Variants in ZDHHC19 observed in about 807,000 individuals in gnomAD.
ZDHHC19 encodes the protein zDHHC palmitoyltransferase 19, also known as palmitoyltransferase ZDHHC19.
In ZDHHC19, 30 loss-of-function variants were observed where a neutral mutation model predicts 33.9. That is an observed-to-expected ratio of 0.88 (90% CI 0.66 to 1.20). The LOEUF is 1.20. Ranked by LOEUF, ZDHHC19 falls within the 50% of genes most tolerant of loss-of-function variation. The pLI is 0.00. For synonymous variants in ZDHHC19, 178 were observed against 167.6 expected (o/e 1.06, Z -0.48); for missense variants, 364 against 401.1 (o/e 0.91, Z 0.79).
intron 3 of ZDHHC19, 34 bp from the exon 4 acceptor site, chr3:196,208,594 C>T (rs1444842192): frequency 1.9e-6 from 3 of 1,605,870 alleles, no homozygotes; most frequent in Non-Finnish European, 2.6e-6. Context: ...GGCTTGAGGA[C>T]TTCTCCTCTG....
chr3:196,208,331 C>A, intron 4 of ZDHHC19, 57 bp downstream of exon 4: 1 of 1,552,664 alleles, frequency 6.4e-7, no homozygotes, highest in South Asian at 1.2e-5. Flanking sequence ...CCGCCCTCTG[C>A]AGCCCCCTCC....
At chr3:196,208,299 C>T in intron 4 of ZDHHC19, 89 bp downstream of exon 4, 28 of 1,295,712 alleles carry the variant, frequency 2.2e-5, no homozygotes, top group Non-Finnish European at 2.8e-5. Flanking sequence ...CGGCTTCTCC[C>T]TCTAGCCCCG....
chr3:196,198,538 A>G (rs1721987001), intron 6 of ZDHHC19, 87 bp from the exon 7 acceptor site: 1 of 1,571,200 alleles, frequency 6.4e-7, no homozygotes, highest in African/African-American at 1.4e-5. Context: ...CACACGGCCC[A>G]GGGCTTAGCT....
intron 3 of ZDHHC19, chr3:196,208,878 A>G: frequency 2.8e-6 from 1 of 359,302 alleles, no homozygotes. Context: ...CCACTTTCTC[A>G]TCCATTCGAT....
At chr3:196,209,573 G>A in intron 2 of ZDHHC19, 58 bp from the exon 3 acceptor site, 12 of 1,579,254 alleles carry the variant, frequency 7.6e-6, no homozygotes, top group Admixed American at 5.3e-5. Flanking sequence ...CCGCGGCGGG[G>A]GCAGCTCCAC....
At chr3:196,210,467 G>A (rs1723200785) in intron 2 of ZDHHC19, 149 bp downstream of exon 2, 2 of 644,344 alleles carry the variant, frequency 3.1e-6, no homozygotes, top group Admixed American at 7.1e-5. Flanking sequence ...AGAGAAGAAA[G>A]AGTGAGCGAG....
At position 196,207,518 on chromosome 3, in the gene ZDHHC19, G is replaced by A; in HGVS notation, c.582-15C>T. The A allele has an allele frequency of 6.5e-7, 1 of 1,537,026 alleles. No homozygotes were observed. The highest frequency in any genetic ancestry group is 8.8e-7 in the Non-Finnish European group (1 of 1,140,688). ...CCACCACGATGCTGCGCGGGTTAAGGAACCGGGCTGCGGGACCCCCACGCC... is the reference window on the plus strand; with the variant it reads ...CCACCACGATGCTGCGCGGGTTAAGAAACCGGGCTGCGGGACCCCCACGCC... On this transcript the variant is annotated splice_polypyrimidine_tract_variant and intron_variant, in intron 4 of 7. Transcript: ENST00000296326.
Position 196,198,286 on chromosome 3 carries a change from G to C in ZDHHC19, c.*9C>G, listed in dbSNP as rs777206910. 1.3e-6 allele frequency: 2 copies of C among 1,501,422 alleles called. No homozygotes were observed. The highest frequency in any genetic ancestry group is 2.8e-5 in the South Asian group (2 of 72,170). 93.0% of individuals were successfully genotyped at this position (1,501,422 alleles called of 1,614,324 possible). On this transcript the variant is annotated 3_prime_UTR_variant, in exon 7 of 8. Transcript: ENST00000296326. The stretch of plus-strand genomic sequence containing the variant: ...ACACACGCTTCTTACCTCCTGGAGA[G>C]CTGCAGCCTCACCACGCCCCGGGGG...
intron 5 of ZDHHC19, among the ~76,000 whole-genome samples, chr3:196,200,207 C>T (rs1371501011): frequency 4.7e-5 from 7 of 147,920 alleles, no homozygotes; most frequent in Admixed American, 6.8e-5. Flanking sequence ...CCTAGGAGTT[C>T]GAGGCTGCAG....
chr3:196,210,285 A>AGAAAGAAAGAAAGAAAGAAGGAAG, intron 2 of ZDHHC19, among the ~76,000 whole-genome samples: 1 of 139,678 alleles, frequency 7.2e-6, no homozygotes, highest in Non-Finnish European at 1.6e-5. Flanking sequence ...AAAGAAAGAA[A>AGAAAGAAAGAAAGAAAGAAGGAAG]GAAGGAAGGA....
chr3:196,209,887 T>C (rs1035704325), intron 2 of ZDHHC19, among the ~76,000 whole-genome samples: 2 of 152,150 alleles, frequency 1.3e-5, no homozygotes, highest in African/African-American at 2.4e-5. Flanking sequence ...TTCCACACCT[T>C]GGTGGCTTAA....
chr3:196,198,188 C>G, intron 7 of ZDHHC19, 88 bp downstream of exon 7: 1 of 1,293,554 alleles, frequency 7.7e-7, no homozygotes, highest in Non-Finnish European at 1.0e-6. Context: ...GTCAGCCAAA[C>G]CTCAGGGGCC....
At chr3:196,209,282 G>A (rs2108740225) in intron 3 of ZDHHC19, 94 bp downstream of exon 3, 2 of 1,467,762 alleles carry the variant, frequency 1.4e-6, no homozygotes, top group East Asian at 2.5e-5. Flanking sequence ...CCTGAAAACA[G>A]CTTCACACCC....
rs774008947 is a variant in ZDHHC19 at position 196,211,165 on chromosome 3, C to G, written c.146+5G>C. The G allele has an allele frequency of 1.9e-6, 3 of 1,613,856 alleles. No individual in the cohort carries two copies. The highest frequency in any genetic ancestry group is 2.2e-5 in the East Asian group (1 of 44,848). ...GAAACCTAACGGCTTGCCTGGAAAA[C>G]TCACGGGAATGCGAAGAAGAGGCCA... On this transcript the variant is annotated splice_donor_5th_base_variant and intron_variant, in intron 1 of 7. Coordinates refer to ENST00000296326, the MANE Select transcript of ZDHHC19 (RefSeq NM_001039617.2).
At chr3:196,208,127 G>C (rs1389940233) in intron 4 of ZDHHC19, among the ~76,000 whole-genome samples, 1 of 151,558 alleles carries the variant, frequency 6.6e-6, no homozygotes, top group African/African-American at 2.4e-5. Context: ...TCTGGGTCTC[G>C]GGCTGAAGCG....
In ZDHHC19 at chr3:196,198,467, C is replaced by A. The variant is rs774521243; in HGVS notation, c.774-16G>T. On this transcript the variant is annotated splice_polypyrimidine_tract_variant and intron_variant, in intron 6 of 7. Coordinates refer to ENST00000296326, the MANE Select transcript of ZDHHC19 (RefSeq NM_001039617.2). ...AGCCATGTACCTGGGGAGCAGCAGG[C>A]CAGATGCAGGGGCCACCGTCCTCCC... 1 of 1,590,152 alleles carries A rather than the reference C, an allele frequency of 6.3e-7. No individual in the cohort carries two copies. The highest frequency in any genetic ancestry group is 8.6e-7 in the Non-Finnish European group (1 of 1,168,350).
At chr3:196,205,441 A>C (rs540689102) in intron 5 of ZDHHC19, among the ~76,000 whole-genome samples, 1 of 152,300 alleles carries the variant, frequency 6.6e-6, no homozygotes, top group East Asian at 1.9e-4. Flanking sequence ...GAAAGTGATA[A>C]GGACAGAGGA....
At chr3:196,209,714 G>A (rs571815051) in intron 2 of ZDHHC19, among the ~76,000 whole-genome samples, 199 bp from the exon 3 acceptor site, 64 of 152,346 alleles carry the variant, frequency 4.2e-4, no homozygotes, top group Non-Finnish European at 7.6e-4. Context: ...GGAGAGTTTT[G>A]TATGAAACTC....
Position 196,211,312 on chromosome 3 carries a change from T to G in ZDHHC19, c.4A>C (p.Thr2Pro). Residue 2 changes from threonine to proline, a missense_variant, in exon 1 of 8, where the codon ACA (threonine) becomes CCA (proline). By Grantham distance (38) the Thr-to-Pro change is conservative. Transcript: ENST00000296326. The stretch of plus-strand genomic sequence containing the variant: ...AGCGGCGTGGCATCCGTTAAGAGTG[T>G]CATGGCTGGGCCTCCTTCGCCTCCA... M[T>P]LLTDATPLVK... is the part of the protein sequence containing the mutation. 6.2e-7 allele frequency: 1 copy of G among 1,608,474 alleles called. No homozygotes were observed. The highest frequency in any genetic ancestry group is 8.5e-7 in the Non-Finnish European group (1 of 1,176,600).
Sources: gnomAD v4.1 joint callset for allele counts (sites outside exome capture counted in the v4.1 genomes callset) on GRCh38, gnomAD v4.1.1 for gene constraint, MANE v1.5 for transcripts, NCBI Gene and HGNC (gene_info 2026-07-23, HGNC 2026-07-21) for gene names.